The following ABHD2 variants were observed in gnomAD, a reference collection of about 807,000 sequenced individuals.
ABHD2 encodes the protein monoacylglycerol lipase ABHD2.
A neutral mutation model predicts 48.1 loss-of-function variants in ABHD2; 20 were observed. That is an observed-to-expected ratio of 0.42 (90% CI 0.29 to 0.60). The LOEUF is 0.60. Among genes scored for constraint, ABHD2 ranks in the 20% least tolerant of loss-of-function variants. ABHD2 has a pLI of 0.24. For synonymous variants in ABHD2, 209 were observed against 214.2 expected, an observed-to-expected ratio of 0.98 and a Z score of 0.21; for missense variants, 405 against 550.9, an observed-to-expected ratio of 0.74 and a Z score of 2.65.
the ABHD2 span, among the ~76,000 whole-genome samples, chr15:89,066,391 T>C: frequency 6.6e-6 from 1 of 152,180 alleles, no homozygotes; most frequent in African/African-American, 2.4e-5. Context: ...TCTCTCCGTA[T>C]TCAAATCTCC....
Position 89,195,514 on chromosome 15 carries a change from C to G in ABHD2, c.*91C>G. On this transcript the variant is annotated 3_prime_UTR_variant, in exon 11 of 11. Coordinates refer to ENST00000352732, the MANE Select transcript of ABHD2 (RefSeq NM_152924.5). The surrounding 1 kb of genome is among the most constrained non-coding windows in gnomAD (Gnocchi z 5.1). The stretch of plus-strand genomic sequence containing the variant: ...TCAGGTCTCCCATCTCCCTCAGTGA[C>G]CTGGATCTGACCTCACACCATCAGC... 1 of 1,407,384 alleles carries G rather than the reference C, an allele frequency of 7.1e-7. No individual in the cohort carries two copies. The highest frequency in any genetic ancestry group is 9.6e-7 in the Non-Finnish European group (1 of 1,046,742). The allele number at this position is 1,407,384 out of a possible 1,614,324, so 87.2% of individuals were successfully genotyped here.
At chr15:89,077,257 T>C in the ABHD2 span, among the ~76,000 whole-genome samples, 2 of 152,234 alleles carry the variant, frequency 1.3e-5, no homozygotes, top group African/African-American at 2.4e-5. Context: ...CATACATTTC[T>C]TGGATGACTG....
the ABHD2 span, among the ~76,000 whole-genome samples, chr15:89,073,653 A>T: frequency 6.6e-6 from 1 of 152,100 alleles, no homozygotes; most frequent in African/African-American, 2.4e-5. Context: ...CTCACGCACT[A>T]CTTCTCAAAC....
chr15:89,077,225 C>T, the ABHD2 span, among the ~76,000 whole-genome samples: 1 of 152,138 alleles, frequency 6.6e-6, no homozygotes, highest in Non-Finnish European at 1.5e-5. Context: ...TCTTTTTGAA[C>T]TTTATATAAA....
At chr15:89,053,159 G>A in the ABHD2 span, among the ~76,000 whole-genome samples, 3 of 151,868 alleles carry the variant, frequency 2.0e-5, no homozygotes, top group African/African-American at 7.3e-5. Context: ...GTAGAGACGG[G>A]GTTTCACTGT....
rs2050155557 is a variant in ABHD2, at chr15:89,127,724, T to TATAC, written c.194+11206_194+11207insCATA. ...ATATATACATATATATATATACACATATATATATATATATATGTATATTTT... is the reference window on the plus strand; with the variant it reads ...ATATATACATATATATATATACACATATACATATATATATATATATGTATATTTT... On this transcript the variant is annotated intron_variant, in intron 3 of 10. Transcript: ENST00000352732. Among the ~76,000 whole-genome samples the TATAC allele has an allele frequency of 4.2e-5, 3 of 70,714 alleles. 1 individual carries two copies. Among genetic ancestry groups the TATAC allele is most frequent in the African/African-American group, 1.4e-4 (3 of 20,746 alleles). The allele number at this position is 70,714 out of a possible 152,430, so 46.4% of individuals were successfully genotyped here.
At position 89,195,557 on chromosome 15, in the gene ABHD2, C is replaced by T; in HGVS notation, c.*134C>T. 1 of 928,478 alleles carries T rather than the reference C, an allele frequency of 1.1e-6. No homozygotes were observed. Among genetic ancestry groups the T allele is most frequent in the South Asian group, 1.8e-5 (1 of 55,766 alleles). The allele number at this position is 928,478 out of a possible 1,614,324, so 57.5% of individuals were successfully genotyped here. ...CCATCAGCAGGGGGCACCCACCATG[C>T]ACACCTGTCTCGGAGTAGGCAGCTC... On this transcript the variant is annotated 3_prime_UTR_variant, in exon 11 of 11. Transcript: ENST00000352732. The surrounding 1 kb of genome is among the most constrained non-coding windows in gnomAD (Gnocchi z 5.1).
At chr15:89,133,922 C>T (rs1045153391) in intron 3 of ABHD2, among the ~76,000 whole-genome samples, 6 of 150,840 alleles carry the variant, frequency 4.0e-5, no homozygotes, top group Admixed American at 1.3e-4. Context: ...CTGCAAGCTC[C>T]GCCTCCTGGG....
rs544347453 is a variant in ABHD2 at position 89,188,164 on chromosome 15, A to G, written c.816-29A>G. 5.3e-5 allele frequency: 84 copies of G among 1,597,524 alleles called. No individual in the cohort carries two copies. In the South Asian group the frequency reaches 8.6e-4, roughly 16 times the overall value. ...ATGGTTGTTCATCCTCCACATCTTA[A>G]TCTCTGTTTGCTTTTGTGTTTGCTC... On this transcript the variant is annotated intron_variant, in intron 7 of 10. Coordinates refer to ENST00000352732, the MANE Select transcript of ABHD2 (RefSeq NM_152924.5). This position sits in a 1 kb window ranked among gnomAD's most constrained non-coding sequence, Gnocchi z 4.1.
chr15:89,153,847 A>G (rs996433880), intron 4 of ABHD2, among the ~76,000 whole-genome samples: 1 of 152,216 alleles, frequency 6.6e-6, no homozygotes, highest in Admixed American at 6.5e-5. Flanking sequence ...CTGAATTATC[A>G]TATGTGATAT....
rs2050654024 is a variant in ABHD2, at chr15:89,155,308, T to C, written c.371-59T>C. ...TTTCTAGACCAGTGAAGTGTAATTA[T>C]GTCCATTTATCATGTCACATTTCTT... On this transcript the variant is annotated intron_variant, in intron 4 of 10. Coordinates refer to ENST00000352732, the MANE Select transcript of ABHD2 (RefSeq NM_152924.5). This position sits in a 1 kb window ranked among gnomAD's most constrained non-coding sequence, Gnocchi z 4.9. 1.4e-5 allele frequency: 22 copies of C among 1,544,624 alleles called. No homozygotes were observed. The South Asian group carries it at 2.0e-4, about 14-fold the overall frequency.
chr15:89,103,105 C>T (rs376706934), intron 1 of ABHD2, among the ~76,000 whole-genome samples: 1 of 152,152 alleles, frequency 6.6e-6, no homozygotes, highest in Non-Finnish European at 1.5e-5. Context: ...GGCTTCCTTT[C>T]GAGTTTTTAG....
At chr15:89,068,529 C>A in the ABHD2 span, among the ~76,000 whole-genome samples, 1 of 152,194 alleles carries the variant, frequency 6.6e-6, no homozygotes, top group Non-Finnish European at 1.5e-5. Flanking sequence ...AACACCTACA[C>A]GTGGTCCCTC....
At chr15:89,139,286 T>G (rs532375704) in intron 3 of ABHD2, among the ~76,000 whole-genome samples, 1 of 152,132 alleles carries the variant, frequency 6.6e-6, no homozygotes, top group Non-Finnish European at 1.5e-5. Context: ...CTCAGAAATA[T>G]CTCTCCTCTC....
chr15:89,149,190 G>A (rs1295329168), intron 3 of ABHD2, among the ~76,000 whole-genome samples: 3 of 150,530 alleles, frequency 2.0e-5, no homozygotes, highest in Non-Finnish European at 4.4e-5. Flanking sequence ...AAAGTCCCAA[G>A]TGATTGTGAG....
At chr15:89,050,916 G>A in the ABHD2 span, among the ~76,000 whole-genome samples, 1 of 151,964 alleles carries the variant, frequency 6.6e-6, no homozygotes, top group South Asian at 2.1e-4. Flanking sequence ...CAGGTCCTGG[G>A]CTAAAATCTG....
rs894310925 is a variant in ABHD2, at chr15:89,104,392, C to A, written c.-106-9333C>A. ...GGCAGGGGAGGAGAGGGTCGTGGCC[C>A]ATTGGTCATTGGTCGGGTTTCCTCA... On this transcript the variant is annotated intron_variant, in intron 1 of 10. Coordinates refer to ENST00000352732, the MANE Select transcript of ABHD2 (RefSeq NM_152924.5). This position sits in a 1 kb window ranked among gnomAD's most constrained non-coding sequence, Gnocchi z 4.4. 1 of 152,064 alleles carries A rather than the reference C, an allele frequency of 6.6e-6. No individual in the cohort carries two copies. Among genetic ancestry groups the A allele is most frequent in the Non-Finnish European group, 1.5e-5 (1 of 68,054 alleles). 9.4% of individuals were successfully genotyped at this position (152,064 alleles called of 1,614,324 possible).
At chr15:89,045,198 A>G in the ABHD2 span, among the ~76,000 whole-genome samples, 1 of 151,886 alleles carries the variant, frequency 6.6e-6, no homozygotes, top group African/African-American at 2.4e-5. Context: ...CAGGTTTGTC[A>G]AAGATCAGAT....
At chr15:89,045,023 T>C in the ABHD2 span, among the ~76,000 whole-genome samples, 14 of 152,218 alleles carry the variant, frequency 9.2e-5, no homozygotes, top group Non-Finnish European at 1.9e-4. Flanking sequence ...TCTTCTAGGG[T>C]TTTTATGGTT....
Sources: gnomAD v4.1 joint callset for allele counts (sites outside exome capture counted in the v4.1 genomes callset) on GRCh38, gnomAD v4.1.1 for gene constraint, Gnocchi (gnomAD v3.1) non-coding constraint, MANE v1.5 for transcripts, NCBI Gene and HGNC (gene_info 2026-07-23, HGNC 2026-07-21) for gene names.